Variants in MAST4 observed in about 807,000 individuals in gnomAD.
MAST4 encodes the protein microtubule-associated serine/threonine-protein kinase 4.
Under a neutral mutation model 162.7 loss-of-function variants are expected in MAST4, and 89 were observed. The ratio of observed to expected loss-of-function variants is 0.55; its 90% CI spans 0.46 to 0.65. The LOEUF (loss-of-function observed/expected upper bound fraction) is 0.65. Among genes scored for constraint, MAST4 ranks in the 30% least tolerant of loss-of-function variants. The pLI, the probability that MAST4 is intolerant of heterozygous loss-of-function variation, is 0.00. For synonymous variants in MAST4, 1,479 were observed against 1,361.1 expected (o/e 1.09, Z -1.91); for missense variants, 3,153 against 3,374.0 (o/e 0.93, Z 1.62).
At chr5:67,113,794 C>T (rs1055007215) in intron 11 of MAST4, among the ~76,000 whole-genome samples, 2 of 152,098 alleles carry the variant, frequency 1.3e-5, no homozygotes, top group East Asian at 1.9e-4. Context: ...TGTTCATTGC[C>T]GACGAGCGAG....
chr5:66,833,044 A>C (rs1275490268), intron 3 of MAST4, among the ~76,000 whole-genome samples: 1 of 152,284 alleles, frequency 6.6e-6, no homozygotes, highest in Admixed American at 6.5e-5. Context: ...CCTGATCCTT[A>C]GGGGATAAAA....
At chr5:67,151,428 G>T (rs1771792349) in intron 24 of MAST4, among the ~76,000 whole-genome samples, 1 of 152,186 alleles carries the variant, frequency 6.6e-6, no homozygotes, top group Non-Finnish European at 1.5e-5. Flanking sequence ...GAGCCCTCAT[G>T]ACCTAATCAC....
intron 1 of MAST4, among the ~76,000 whole-genome samples, chr5:66,691,378 C>T (rs1460871094): frequency 6.6e-6 from 1 of 152,068 alleles, no homozygotes; most frequent in African/African-American, 2.4e-5. Flanking sequence ...AGAAATATCT[C>T]ACATTAATGC....
intron 3 of MAST4, among the ~76,000 whole-genome samples, chr5:66,844,139 C>CTGTGTGTGTGTGTG (rs59568297): frequency 4.8e-5 from 5 of 104,556 alleles, no homozygotes; most frequent in East Asian, 3.0e-4. Context: ...CCCAGTCAGC[C>CTGTGTGTGTGTGTG]TGTGTGTGTG....
intron 4 of MAST4, among the ~76,000 whole-genome samples, chr5:66,931,765 TAAA>T (rs140448523): frequency 6.6e-6 from 1 of 151,254 alleles, no homozygotes; most frequent in Non-Finnish European, 1.5e-5. Context: ...TACACTGTAT[TAAA>T]AAAAAAGAGG....
intron 4 of MAST4, among the ~76,000 whole-genome samples, chr5:66,936,486 A>G (rs1163261816): frequency 1.3e-5 from 2 of 152,222 alleles, no homozygotes; most frequent in African/African-American, 2.4e-5. Context: ...GGGTGGGGCC[A>G]TTTTATAAGA....
chr5:66,944,015 G>A (rs1027256365), intron 4 of MAST4, among the ~76,000 whole-genome samples: 9 of 152,048 alleles, frequency 5.9e-5, no homozygotes, highest in East Asian at 5.8e-4. Flanking sequence ...CCATCTCCCC[G>A]TTCTTTGCTC....
intron 1 of MAST4, among the ~76,000 whole-genome samples, chr5:66,648,905 G>T (rs77015330): frequency 6.6e-6 from 1 of 151,876 alleles, no homozygotes; most frequent in Non-Finnish European, 1.5e-5. Flanking sequence ...GTATGAATTG[G>T]GGCTGTTTAA....
intron 1 of MAST4, among the ~76,000 whole-genome samples, chr5:66,651,586 A>T (rs79541549): frequency 0.016 from 2,415 of 152,150 alleles, 61 homozygotes; most frequent in African/African-American, 0.056. Context: ...AATGGATAAA[A>T]GATAGATTAC....
rs33936607 is a variant in MAST4 at position 66,774,995 on chromosome 5, CTGTGTGTGTGTG to C, written c.518-13645_518-13634del. 5.4e-3 allele frequency among the ~76,000 whole-genome samples: 772 copies of C among 142,008 alleles called. 8 individuals carry two copies. The highest frequency in any genetic ancestry group is 0.014 in the African/African-American group (522 of 37,618). 93.2% of individuals were successfully genotyped at this position (142,008 alleles called of 152,430 possible). A position where few individuals can be genotyped will look rare whatever the true frequency, so the allele number is the denominator to read the frequency against. ...TAGACATTCGTTCAATATCCTTTTC[CTGTGTGTGTGTG>C]TGTGTGTGTGTGTGTGTGTGTGTGT... On this transcript the variant is annotated intron_variant, in intron 2 of 28. Coordinates refer to ENST00000403625, the MANE Select transcript of MAST4 (RefSeq NM_001164664.2).
At chr5:66,619,196 C>A (rs1392676548) in intron 1 of MAST4, among the ~76,000 whole-genome samples, 1 of 152,030 alleles carries the variant, frequency 6.6e-6, no homozygotes, top group East Asian at 1.9e-4. Context: ...GACGGTTTTG[C>A]ATTTGGGGAC....
At chr5:67,110,635 T>C (rs930462211) in intron 11 of MAST4, among the ~76,000 whole-genome samples, 4 of 152,222 alleles carry the variant, frequency 2.6e-5, no homozygotes, top group African/African-American at 9.6e-5. Flanking sequence ...AGTTAGAAAA[T>C]AAGATGCTAA....
intron 1 of MAST4, chr5:66,737,890 G>C (rs1321618337): frequency 6.6e-6 from 1 of 152,172 alleles, no homozygotes; most frequent in African/African-American, 2.4e-5. Flanking sequence ...AGTCCTGCTT[G>C]TACCCTGACC....
intron 3 of MAST4, among the ~76,000 whole-genome samples, chr5:66,819,421 G>T (rs546287840): frequency 3.3e-5 from 5 of 152,122 alleles, no homozygotes; most frequent in Non-Finnish European, 7.3e-5. Flanking sequence ...TTCATTTAAC[G>T]TAATGCCTCT....
chr5:67,031,981 G>T (rs1455322416), intron 4 of MAST4, among the ~76,000 whole-genome samples: 1 of 152,128 alleles, frequency 6.6e-6, no homozygotes, highest in African/African-American at 2.4e-5. Flanking sequence ...TACTCATCGT[G>T]ACCTACTTCT....
chr5:66,638,884 C>G (rs1745298507), intron 1 of MAST4, among the ~76,000 whole-genome samples: 1 of 151,926 alleles, frequency 6.6e-6, no homozygotes, highest in Non-Finnish European at 1.5e-5. Flanking sequence ...TAATTGGGTG[C>G]CATTTACTGA....
intron 2 of MAST4, among the ~76,000 whole-genome samples, chr5:66,767,169 A>ATGTGTGTGTG (rs1754134107): frequency 1.3e-5 from 1 of 79,074 alleles, no homozygotes; most frequent in Non-Finnish European, 2.5e-5. Context: ...TGTAAAGTGC[A>ATGTGTGTGTG]CGTGTGTGTG....
chr5:67,161,019 G>A (rs1581765753), intron 27 of MAST4, among the ~76,000 whole-genome samples: 1 of 152,178 alleles, frequency 6.6e-6, no homozygotes, highest in Non-Finnish European at 1.5e-5. Flanking sequence ...TACCTTTAAA[G>A]GTTCCGAATA....
At chr5:67,102,063 A>G (rs975618302) in intron 8 of MAST4, among the ~76,000 whole-genome samples, 1 of 151,096 alleles carries the variant, frequency 6.6e-6, no homozygotes, top group African/African-American at 2.4e-5. Flanking sequence ...CACCTGTGCC[A>G]TGGAAGACTT....
Sources: allele counts gnomAD v4.1 joint callset (sites outside exome capture counted in the v4.1 genomes callset), GRCh38; gene constraint gnomAD v4.1.1; transcripts MANE v1.5; gene names NCBI Gene and HGNC (gene_info 2026-07-23, HGNC 2026-07-21).